The following CNTNAP2 variants were observed in gnomAD, a reference collection of about 807,000 sequenced individuals.
CNTNAP2 encodes contactin associated protein 2.
In CNTNAP2, 98 loss-of-function variants were observed where a neutral mutation model predicts 155.2. The ratio of observed to expected loss-of-function variants is 0.63; its 90% CI spans 0.54 to 0.75. The LOEUF (loss-of-function observed/expected upper bound fraction) is 0.75, where lower values mean the gene tolerates loss of function less well. CNTNAP2 is among the 30% of genes least tolerant of loss of function. CNTNAP2 has a pLI of 0.00. For synonymous variants in CNTNAP2, 651 were observed against 631.2 expected (o/e 1.03, Z -0.47); for missense variants, 1,727 against 1,688.1 (o/e 1.02, Z -0.40).
intron 11 of CNTNAP2, among the ~76,000 whole-genome samples, chr7:147,503,533 C>T (rs10267232): frequency 0.21 from 31,996 of 151,940 alleles, 3,993 homozygotes; most frequent in African/African-American, 0.33. Context: ...TTCCCAGCTC[C>T]GTTATGCCAT....
At chr7:147,396,993 A>G (rs766561292) in intron 10 of CNTNAP2, among the ~76,000 whole-genome samples, 2 of 152,084 alleles carry the variant, frequency 1.3e-5, no homozygotes, top group Non-Finnish European at 1.5e-5. Context: ...TTACAAACAT[A>G]TAAAATAATC....
At chr7:146,364,621 A>G (rs1195534331) in intron 1 of CNTNAP2, among the ~76,000 whole-genome samples, 3 of 152,138 alleles carry the variant, frequency 2.0e-5, no homozygotes, top group African/African-American at 4.8e-5. Context: ...AAGTTAAAGG[A>G]CTCCGTATGA....
chr7:146,413,504 G>A (rs898912583), intron 1 of CNTNAP2, among the ~76,000 whole-genome samples: 4 of 152,158 alleles, frequency 2.6e-5, no homozygotes, highest in South Asian at 2.1e-4. Flanking sequence ...AACAAAGCTC[G>A]AGATCATCTG....
chr7:148,151,650 A>T (rs531580853), intron 17 of CNTNAP2, among the ~76,000 whole-genome samples: 119 of 152,156 alleles, frequency 7.8e-4, no homozygotes, highest in African/African-American at 2.7e-3. Flanking sequence ...TTTACCTTTT[A>T]TTCCCTTTAT....
chr7:147,719,253 G>A (rs891339030), intron 13 of CNTNAP2, among the ~76,000 whole-genome samples: 4 of 151,982 alleles, frequency 2.6e-5, no homozygotes, highest in Admixed American at 2.6e-4. Flanking sequence ...TACTCCAACT[G>A]CAAACAAGCC....
At chr7:146,841,136 G>T (rs923002848) in intron 3 of CNTNAP2, among the ~76,000 whole-genome samples, 4 of 152,192 alleles carry the variant, frequency 2.6e-5, no homozygotes, top group African/African-American at 4.8e-5. Flanking sequence ...CAACCCCAGA[G>T]ACTTGAATTT....
chr7:146,248,796 C>T (rs1039035130), intron 1 of CNTNAP2, among the ~76,000 whole-genome samples: 5 of 152,094 alleles, frequency 3.3e-5, no homozygotes, highest in South Asian at 2.1e-4. Context: ...TCCCCTGATC[C>T]GAGTCACGGC....
At chr7:147,466,934 T>A (rs1415987942) in intron 10 of CNTNAP2, among the ~76,000 whole-genome samples, 1 of 152,102 alleles carries the variant, frequency 6.6e-6, no homozygotes, top group Non-Finnish European at 1.5e-5. Context: ...ATAATAATAA[T>A]AATAATTTAC....
intron 13 of CNTNAP2, among the ~76,000 whole-genome samples, chr7:147,788,452 A>G (rs1245486849): frequency 6.6e-6 from 1 of 152,198 alleles, no homozygotes; most frequent in Admixed American, 6.5e-5. Context: ...AAATACTTAG[A>G]GAAATCAAGA....
intron 22 of CNTNAP2, 48 bp from the exon 23 acceptor site, chr7:148,409,343 A>T: frequency 7.1e-7 from 1 of 1,400,172 alleles, no homozygotes. Flanking sequence ...ATTATTTGGG[A>T]TCAATAGTAT....
intron 3 of CNTNAP2, among the ~76,000 whole-genome samples, chr7:146,994,472 A>G (rs559485847): frequency 1.3e-5 from 2 of 152,300 alleles, no homozygotes; most frequent in Admixed American, 1.3e-4. Flanking sequence ...CGAGCTATAT[A>G]CAATTTAAAT....
At position 148,118,178 on chromosome 7, in the gene CNTNAP2, TC is replaced by T. The variant is rs1457684400; in HGVS notation, c.2446del (p.Gln816LysfsTer15). 6.2e-7 allele frequency: 1 copy of T among 1,614,086 alleles called. No homozygotes were observed. The highest frequency in any genetic ancestry group is 1.3e-5 in the African/African-American group (1 of 74,926). On this transcript the variant is annotated frameshift_variant, in exon 16 of 24. Coordinates refer to ENST00000361727, the MANE Select transcript of CNTNAP2 (RefSeq NM_014141.6). LOFTEE classifies it high-confidence loss of function. ...NPSSYLHFST[F>X]QGETSADISF... Reference sequence around the variant, plus strand: ...TCCTCCTACCTGCACTTCTCTACTTTCCAAGGGGAAACTAGCGCTGACATTT... The same window carrying T: ...TCCTCCTACCTGCACTTCTCTACTTTCAAGGGGAAACTAGCGCTGACATTT...
intron 13 of CNTNAP2, among the ~76,000 whole-genome samples, chr7:147,679,007 C>T (rs1795909905): frequency 6.6e-6 from 1 of 151,868 alleles, no homozygotes; most frequent in African/African-American, 2.4e-5. Flanking sequence ...ATATTTCAAA[C>T]CTCTTTTCAA....
At chr7:146,216,986 A>G (rs1799124931) in intron 1 of CNTNAP2, among the ~76,000 whole-genome samples, 1 of 152,182 alleles carries the variant, frequency 6.6e-6, no homozygotes, top group Admixed American at 6.5e-5. Flanking sequence ...CAGTTTTGAT[A>G]TTGCTCAAAC....
At chr7:146,640,802 G>A (rs1799691884) in intron 1 of CNTNAP2, among the ~76,000 whole-genome samples, 1 of 152,102 alleles carries the variant, frequency 6.6e-6, no homozygotes, top group Non-Finnish European at 1.5e-5. Flanking sequence ...ATGAATTGAT[G>A]TTGATTTTCT....
At chr7:147,309,806 G>A (rs571433360) in intron 9 of CNTNAP2, among the ~76,000 whole-genome samples, 2 of 151,998 alleles carry the variant, frequency 1.3e-5, no homozygotes, top group Non-Finnish European at 2.9e-5. Context: ...TCTCATGGGG[G>A]TTTGATGTAC....
chr7:148,002,028 A>G (rs1319519843), intron 15 of CNTNAP2, among the ~76,000 whole-genome samples: 2 of 152,156 alleles, frequency 1.3e-5, no homozygotes, highest in Admixed American at 1.3e-4. Flanking sequence ...TCCTGAAAAA[A>G]TTATTTTGCT....
intron 21 of CNTNAP2, among the ~76,000 whole-genome samples, chr7:148,344,172 C>T (rs1324774360): frequency 1.3e-5 from 2 of 152,208 alleles, no homozygotes; most frequent in Non-Finnish European, 2.9e-5. Context: ...ACTTACTCCA[C>T]AGATATTTAT....
chr7:147,575,371 G>GGTATGTGTGT (rs1554406980), intron 12 of CNTNAP2, among the ~76,000 whole-genome samples: 1 of 95,882 alleles, frequency 1.0e-5, no homozygotes, highest in African/African-American at 3.6e-5. Flanking sequence ...TAGCTTTAGG[G>GGTATGTGTGT]GTGTGTGTGT....
Sources: allele counts gnomAD v4.1 joint callset (sites outside exome capture counted in the v4.1 genomes callset), GRCh38; gene constraint gnomAD v4.1.1; transcripts MANE v1.5; gene names NCBI Gene and HGNC (gene_info 2026-07-23, HGNC 2026-07-21).